SDHB: variants seen among roughly 807,000 people sequenced by gnomAD.
The protein encoded by SDHB is succinate dehydrogenase [ubiquinone] iron-sulfur subunit, mitochondrial.
Under a neutral mutation model 39.7 loss-of-function variants are expected in SDHB, and 21 were observed. That is an observed-to-expected ratio of 0.53 (90% CI 0.37 to 0.76). SDHB has a LOEUF of 0.76. Among genes scored for constraint, SDHB ranks in the 30% least tolerant of loss-of-function variants. The pLI is 0.00. For synonymous variants in SDHB, 118 were observed against 117.0 expected (o/e 1.01, Z -0.06); for missense variants, 343 against 350.9 (o/e 0.98, Z 0.18).
intron 7 of SDHB, among the ~76,000 whole-genome samples, chr1:17,021,408 C>A (rs557878036): frequency 6.6e-6 from 1 of 151,964 alleles, no homozygotes; most frequent in Non-Finnish European, 1.5e-5. Flanking sequence ...CGCCACTGCA[C>A]CCCAGCCTGG....
intron 5 of SDHB, among the ~76,000 whole-genome samples, chr1:17,024,377 C>T (rs1232415632): frequency 6.6e-6 from 1 of 152,148 alleles, no homozygotes; most frequent in Non-Finnish European, 1.5e-5. Context: ...AAAAACAACT[C>T]CCATAAATTC....
chr1:17,046,693 C>T (rs2078111944), intron 1 of SDHB, among the ~76,000 whole-genome samples: 1 of 152,028 alleles, frequency 6.6e-6, no homozygotes, highest in Non-Finnish European at 1.5e-5. Context: ...TAGTTAAATG[C>T]TTTTTTAAAA....
chr1:17,044,783 T>C lies in SDHB; in HGVS notation c.178A>G (p.Thr60Ala), dbSNP rs34599281. The change falls in exon 2 of 8, where the codon ACT (threonine) becomes GCT (alanine). Residue 60 changes from threonine to alanine, a missense_variant. Physicochemically the swap from Thr to Ala is moderately conservative, Grantham distance 58 (BLOSUM62 0). Transcript: ENST00000375499. ...CACTTATTAAGGTCAACTTCATAAG[T>C]CTGCATATGAGGTTTGTCTCCAGCC... Reference protein sequence around the residue: ...DKAGDKPHMQTYEVDLNKCGP... With the variant: ...DKAGDKPHMQAYEVDLNKCGP... 9.7e-5 allele frequency: 156 copies of C among 1,613,972 alleles called. No homozygotes were observed. Among genetic ancestry groups the C allele is most frequent in the Non-Finnish European group, 1.2e-4 (140 of 1,179,932 alleles).
At chr1:17,029,098 T>TG (rs1347941054) in intron 3 of SDHB, among the ~76,000 whole-genome samples, 2 of 138,870 alleles carry the variant, frequency 1.4e-5, no homozygotes, top group Middle Eastern at 3.5e-3. Flanking sequence ...AGCCTGTTTT[T>TG]TTTTTTTTTT....
chr1:17,018,928 T>A lies in SDHB; in HGVS notation c.796A>T (p.Ile266Phe). The A allele has an allele frequency of 6.2e-7, 1 of 1,612,862 alleles. No individual in the cohort carries two copies. The highest frequency in any genetic ancestry group is 1.3e-5 in the African/African-American group (1 of 75,008). The change falls in exon 8 of 8, where the codon ATC becomes TTC. Residue 266 changes from isoleucine to phenylalanine, a missense_variant. Physicochemically the swap from Ile to Phe is conservative, Grantham distance 21 (BLOSUM62 0). Transcript: ENST00000375499. ...GLNPGKAIAE[I>F]KKMMATYKEK... ...TTATAGGTTGCCATCATTTTCTTGATCTCTGCAATAGCTTTCCCTGGATTC... is the reference window on the plus strand; with the variant it reads ...TTATAGGTTGCCATCATTTTCTTGAACTCTGCAATAGCTTTCCCTGGATTC...
At position 17,022,712 on chromosome 1, in the gene SDHB, C is replaced by G; in HGVS notation, c.661G>C (p.Asp221His). 1 of 1,613,814 alleles carries G rather than the reference C, an allele frequency of 6.2e-7. No individual in the cohort carries two copies. The highest frequency in any genetic ancestry group is 8.5e-7 in the Non-Finnish European group (1 of 1,179,804). Reference sequence around the variant, plus strand: ...TCCTCTGTGAAGTCATCTCTGGAGTCAATCATCCAGCGATAGGCCTGGAAA... The same window carrying G: ...TCCTCTGTGAAGTCATCTCTGGAGTGAATCATCCAGCGATAGGCCTGGAAA... ...VLMQAYRWMI[D>H]SRDDFTEERL... is the part of the protein sequence containing the mutation. The change falls in exon 7 of 8, where the codon GAC becomes CAC. Residue 221 changes from aspartate (D) to histidine (H), a missense_variant. Physicochemically the swap from Asp to His is moderately conservative, Grantham distance 81. Transcript: ENST00000375499.
At chr1:17,021,644 C>CGAATT (rs1306879997) in intron 7 of SDHB, among the ~76,000 whole-genome samples, 1 of 151,498 alleles carries the variant, frequency 6.6e-6, no homozygotes, top group Admixed American at 6.6e-5. Flanking sequence ...ACTCGGGAGG[C>CGAATT]GAATGCAGGA....
At chr1:17,040,207 C>G (rs1473015440) in intron 2 of SDHB, among the ~76,000 whole-genome samples, 1 of 152,044 alleles carries the variant, frequency 6.6e-6, no homozygotes, top group Non-Finnish European at 1.5e-5. Context: ...TTGTATGTAA[C>G]ATGTTGTTTT....
At chr1:17,027,951 G>T in intron 4 of SDHB, 86 bp from the exon 5 acceptor site, 1 of 796,826 alleles carries the variant, frequency 1.3e-6, no homozygotes, top group Non-Finnish European at 2.2e-6. Context: ...CCATTTCTTG[G>T]ACACTGACTA....
At chr1:17,052,676 T>C (rs952986362) in intron 1 of SDHB, among the ~76,000 whole-genome samples, 8 of 152,190 alleles carry the variant, frequency 5.3e-5, no homozygotes, top group Non-Finnish European at 1.2e-4. Flanking sequence ...CTTCTTCCTC[T>C]ATCTCCCCTT....
At chr1:17,034,443 C>T (rs2078039417) in intron 2 of SDHB, among the ~76,000 whole-genome samples, 1 of 152,180 alleles carries the variant, frequency 6.6e-6, no homozygotes, top group East Asian at 1.9e-4. Context: ...GGCAATGGTG[C>T]GATCTCGGCT....
chr1:17,029,091 C>CGTTT (rs2078007803), intron 3 of SDHB, among the ~76,000 whole-genome samples: 1 of 74,758 alleles, frequency 1.3e-5, no homozygotes. Context: ...AAAAATCAGC[C>CGTTT]TGTTTTTTTT....
At chr1:17,023,930 C>T in intron 6 of SDHB, 43 bp downstream of exon 6, 1 of 1,459,122 alleles carries the variant, frequency 6.9e-7, no homozygotes, top group African/African-American at 1.4e-5. Context: ...CTTCTGGATG[C>T]TTGAGTTTCA....
chr1:17,024,178 C>T (rs1557740044), intron 5 of SDHB, 104 bp from the exon 6 acceptor site: 2 of 775,580 alleles, frequency 2.6e-6, no homozygotes, highest in East Asian at 2.7e-5. Context: ...GAACAAAGTG[C>T]CTACTTGCAT....
chr1:17,028,455 A>G, intron 4 of SDHB, 145 bp downstream of exon 4: 1 of 829,700 alleles, frequency 1.2e-6, no homozygotes, highest in Non-Finnish European at 2.0e-6. Flanking sequence ...ATAATATAGG[A>G]AACAGTCCCA....
rs546665776 is a variant in SDHB, at chr1:17,020,579, C to T, written c.766-1621G>A. The stretch of plus-strand genomic sequence containing the variant: ...ACCAGGAATGCACCTTAGAGTCACT[C>T]GCAGAGCTTCTGAAGAAACACACAG... On this transcript the variant is annotated intron_variant, in intron 7 of 7. Transcript: ENST00000375499. Among the ~76,000 whole-genome samples, 6 of 152,310 alleles carry T rather than the reference C, an allele frequency of 3.9e-5. No homozygotes were observed. In the South Asian group the frequency reaches 6.2e-4, roughly 16 times the overall value.
chr1:17,018,907 A>G lies in SDHB; in HGVS notation c.817T>C (p.Tyr273His), dbSNP rs2077945879. 1.9e-6 allele frequency: 3 copies of G among 1,613,048 alleles called. No individual in the cohort carries two copies. The highest frequency in any genetic ancestry group is 1.3e-5 in the African/African-American group (1 of 75,020). Residue 273 changes from tyrosine (Y) to histidine (H), a missense_variant, in exon 8 of 8, where the codon TAT (tyrosine) becomes CAT (histidine). Physicochemically the swap from Tyr to His is moderately conservative, Grantham distance 83 (BLOSUM62 2). Transcript: ENST00000375499. ...TAAACTGAAGCTTTCTTCTCCTTAT[A>G]GGTTGCCATCATTTTCTTGATCTCT... ...IAEIKKMMAT[Y>H]KEKKASV is the part of the protein sequence containing the mutation.
intron 2 of SDHB, among the ~76,000 whole-genome samples, chr1:17,034,345 C>T (rs530142975): frequency 6.6e-6 from 1 of 152,060 alleles, no homozygotes; most frequent in East Asian, 1.9e-4. Flanking sequence ...GGTGGGATTT[C>T]GCCATGTTGC....
rs564064640 is a variant in SDHB, at chr1:17,037,125, C to G, written c.201-3980G>C. On this transcript the variant is annotated intron_variant, in intron 2 of 7. Coordinates refer to ENST00000375499, the MANE Select transcript of SDHB (RefSeq NM_003000.3). ...GAAGGAAATAGAACTATAATTAAAA[C>G]ATGGTACAATATAAAATGAAGACTG... Among the ~76,000 whole-genome samples the G allele has an allele frequency of 1.0e-3, 158 of 152,118 alleles. 2 individuals carry two copies. Among genetic ancestry groups the G allele is most frequent in the African/African-American group, 3.8e-3 (157 of 41,508 alleles).
Sources: allele counts gnomAD v4.1 joint callset (sites outside exome capture counted in the v4.1 genomes callset), GRCh38; gene constraint gnomAD v4.1.1; transcripts MANE v1.5; gene names NCBI Gene and HGNC (gene_info 2026-07-23, HGNC 2026-07-21).